ZSCAN18: variants seen among roughly 807,000 people sequenced by gnomAD.
The protein encoded by ZSCAN18 is zinc finger and SCAN domain-containing protein 18.
Under a neutral mutation model 31.1 loss-of-function variants are expected in ZSCAN18, and 16 were observed. The ratio of observed to expected loss-of-function variants is 0.51; its 90% CI spans 0.35 to 0.78. The LOEUF (loss-of-function observed/expected upper bound fraction) is 0.78, where lower values mean the gene tolerates loss of function less well. Ranked by LOEUF, ZSCAN18 falls within the 30% of genes least tolerant of loss-of-function variation. The probability of loss-of-function intolerance (pLI) is 0.01; values close to 1 mark genes in which losing one functional copy is unlikely to be tolerated. For missense variants in ZSCAN18, 731 were observed against 697.4 expected (o/e 1.05, Z -0.54); for synonymous variants, 375 against 320.7 (o/e 1.17, Z -1.81).
chr19:58,090,206 G>C lies in ZSCAN18; in HGVS notation c.62C>G (p.Pro21Arg). ...PRSSPAPPDL[P>R]TPGSAAGVQQ... Reference sequence around the variant, plus strand: ...GACTCCGGCTGCTGACCCCGGCGTGGGCAGATCCGGCGGGGCTGGGGAGCT... The same window carrying C: ...GACTCCGGCTGCTGACCCCGGCGTGCGCAGATCCGGCGGGGCTGGGGAGCT... Residue 21 changes from proline (P) to arginine (R), a missense_variant, in exon 2 of 7, where the codon CCC becomes CGC. Pro to Arg is a moderately radical substitution (Grantham distance 103, BLOSUM62 -2). This residue lies in a region of ZSCAN18 where 86 missense variants were observed against 119.1 expected (regional missense o/e 0.72). Coordinates refer to ENST00000601144, the MANE Select transcript of ZSCAN18 (RefSeq NM_001145543.2). This position sits in a 1 kb window ranked among gnomAD's most constrained non-coding sequence, Gnocchi z 4.7. 1 of 1,613,692 alleles carries C rather than the reference G, an allele frequency of 6.2e-7. No individual in the cohort carries two copies. Among genetic ancestry groups the C allele is most frequent in the Non-Finnish European group, 8.5e-7 (1 of 1,180,028 alleles).
chr19:58,113,270 C>T (rs1295123907), intron 1 of ZSCAN18, among the ~76,000 whole-genome samples: 3 of 151,614 alleles, frequency 2.0e-5, no homozygotes, highest in Non-Finnish European at 4.4e-5. Flanking sequence ...GAGCCGAGAT[C>T]ACGCCACTGC....
intron 5 of ZSCAN18, chr19:58,086,504 G>A (rs372576703): frequency 3.9e-6 from 2 of 509,204 alleles, no homozygotes; most frequent in East Asian, 3.1e-5. Context: ...GCTAAAGAAA[G>A]ACATTGACAA....
At chr19:58,097,920 A>C in intron 1 of ZSCAN18, 1 of 981,626 alleles carries the variant, frequency 1.0e-6, no homozygotes. Flanking sequence ...GGGTTGCACT[A>C]GTTCCCTACC....
chr19:58,108,885 T>C, intron 1 of ZSCAN18: 1 of 1,011,626 alleles, frequency 9.9e-7, no homozygotes, highest in Non-Finnish European at 1.2e-6. Context: ...GGCTAGGTTG[T>C]CCACCCTGGC....
chr19:58,108,890 C>G, intron 1 of ZSCAN18: 1 of 1,014,286 alleles, frequency 9.9e-7, no homozygotes, highest in Non-Finnish European at 1.2e-6. Context: ...GGTTGTCCAC[C>G]CTGGCTGATG....
At position 58,087,185 on chromosome 19, in the gene ZSCAN18, C is replaced by A. The variant is rs944105577; in HGVS notation, c.642+131G>T. On this transcript the variant is annotated intron_variant, in intron 4 of 6. Transcript: ENST00000601144. ...AAAGATTCCGCCCTCACGCTCCCACCAGGGTGGGTTCTGGGCCTCAGCGCT... is the reference window on the plus strand; with the variant it reads ...AAAGATTCCGCCCTCACGCTCCCACAAGGGTGGGTTCTGGGCCTCAGCGCT... 4 of 1,097,718 alleles carry A rather than the reference C, an allele frequency of 3.6e-6. No individual in the cohort carries two copies. In the African/African-American group the frequency reaches 6.3e-5, roughly 17 times the overall value. 68.0% of individuals were successfully genotyped at this position (1,097,718 alleles called of 1,614,324 possible).
upstream of ZSCAN18, among the ~76,000 whole-genome samples, chr19:58,099,962 A>ATGTTTT (rs1555802332): frequency 0.013 from 763 of 59,504 alleles, 17 homozygotes; most frequent in African/African-American, 0.03. Context: ...TTTGAAAGCT[A>ATGTTTT]TGTTTTTTTT....
chr19:58,102,461 A>AAAACAAACAAACAAAC (rs75475027), upstream of ZSCAN18, among the ~76,000 whole-genome samples: 1 of 146,988 alleles, frequency 6.8e-6, no homozygotes, highest in African/African-American at 2.5e-5. Context: ...ACTCCATCTC[A>AAAACAAACAAACAAAC]AAACAAACAA....
rs778827473 is a variant in ZSCAN18 at position 58,084,696 on chromosome 19, C to T, written c.1522G>A (p.Ala508Thr). 6 of 1,498,724 alleles carry T rather than the reference C, an allele frequency of 4.0e-6. No individual in the cohort carries two copies. In the Admixed American group the frequency reaches 6.8e-5, roughly 17 times the overall value. 92.8% of individuals were successfully genotyped at this position (1,498,724 alleles called of 1,614,324 possible). ...EGEAPPAPPE[A>T]QR ...GACAGCACAGCGGCTCACCTCTGCG[C>T]CTCTGGGGGTGCGGGGGGAGCCTCG... The change falls in exon 7 of 7, where the codon GCG becomes ACG. Residue 508 changes from alanine to threonine, a missense_variant. Around this residue, in one of 4 missense-constraint regions of ZSCAN18, gnomAD observed 597 missense variants for 499.5 expected, o/e 1.20. Transcript: ENST00000601144. This position sits in a 1 kb window ranked among gnomAD's most constrained non-coding sequence, Gnocchi z 4.5.
At chr19:58,099,640 C>T (rs1435275315), upstream of ZSCAN18, among the ~76,000 whole-genome samples, 2 of 152,152 alleles carry the variant, frequency 1.3e-5, no homozygotes, top group Admixed American at 6.5e-5. Flanking sequence ...ACAATGAACA[C>T]GTGCTTATTA....
chr19:58,102,525 C>T (rs1315293959), upstream of ZSCAN18, among the ~76,000 whole-genome samples: 2 of 152,140 alleles, frequency 1.3e-5, no homozygotes, highest in African/African-American at 2.4e-5. Context: ...TGGCTTCCCC[C>T]CACATTATGA....
chr19:58,088,858 T>C (rs757223337), intron 2 of ZSCAN18, 21 bp from the exon 3 acceptor site: 7 of 1,602,068 alleles, frequency 4.4e-6, no homozygotes, highest in Non-Finnish European at 6.0e-6. Context: ...TGGAGGGACC[T>C]GTGACCCCAA....
intron 1 of ZSCAN18, among the ~76,000 whole-genome samples, chr19:58,093,655 G>A (rs559753176): frequency 1.3e-5 from 2 of 152,130 alleles, no homozygotes; most frequent in South Asian, 2.1e-4. Context: ...ACCAGTTAAC[G>A]AGTTCCCTGT....
chr19:58,085,643 G>A (rs1226849776), intron 6 of ZSCAN18: 1 of 504,864 alleles, frequency 2.0e-6, no homozygotes, highest in South Asian at 3.0e-5. Flanking sequence ...CACTGAGCCC[G>A]GGTTCTGGAA....
At chr19:58,105,080 C>T (rs534151408) in intron 1 of ZSCAN18, among the ~76,000 whole-genome samples, 1 of 152,274 alleles carries the variant, frequency 6.6e-6, no homozygotes, top group Admixed American at 6.5e-5. Flanking sequence ...TCTGAAAACC[C>T]TAGGGCCTTA....
At chr19:58,094,397 T>C (rs144590515) in intron 1 of ZSCAN18, among the ~76,000 whole-genome samples, 7,010 of 146,490 alleles carry the variant, frequency 0.048, 549 homozygotes, top group African/African-American at 0.16. Context: ...AGCGACAGAG[T>C]GAGACTCTGT....
At chr19:58,086,564 T>C (rs2074284653) in intron 5 of ZSCAN18, 2 of 461,208 alleles carry the variant, frequency 4.3e-6, no homozygotes, top group Non-Finnish European at 7.7e-6. Context: ...GGAGGGTTTC[T>C]GGGGCAAGAA....
At chr19:58,101,208 C>T (rs969482441), upstream of ZSCAN18, among the ~76,000 whole-genome samples, 5 of 151,460 alleles carry the variant, frequency 3.3e-5, no homozygotes, top group African/African-American at 7.3e-5. Flanking sequence ...TCTCGGCTCA[C>T]CGCAAGCTCC....
chr19:58,089,854 T>C lies in ZSCAN18; in HGVS notation c.403+11A>G, dbSNP rs2547354. On this transcript the variant is annotated intron_variant, in intron 2 of 6. Transcript: ENST00000601144. ...TCCTCTGAGCCATGCTTCTCCTCTG[T>C]GACAGCCCACCTGGCTCTTCCAGGA... 0.54 allele frequency: 858,300 copies of C among 1,598,576 alleles called. 233,157 individuals carry two copies. The highest frequency in any genetic ancestry group is 0.62 in the Middle Eastern group (3,707 of 5,978).
Sources: allele counts gnomAD v4.1 joint callset (sites outside exome capture counted in the v4.1 genomes callset), GRCh38; gene constraint gnomAD v4.1.1; regional missense constraint gnomAD v4.1.1; non-coding constraint Gnocchi (gnomAD v3.1); transcripts MANE v1.5; gene names NCBI Gene and HGNC (gene_info 2026-07-23, HGNC 2026-07-21).